Variants in GAS2 observed in about 807,000 individuals in gnomAD.
The protein encoded by GAS2 is growth arrest-specific protein 2.
A neutral mutation model predicts 37.5 loss-of-function variants in GAS2; 20 were observed. The observed-to-expected ratio is 0.53, with a 90% CI of 0.37 to 0.77. GAS2 has a LOEUF of 0.77. GAS2 is among the 30% of genes least tolerant of loss of function. The pLI, the probability that GAS2 is intolerant of heterozygous loss-of-function variation, is 0.00. For missense variants in GAS2, 336 were observed against 373.4 expected (o/e 0.90, Z 0.82); for synonymous variants, 144 against 132.2 (o/e 1.09, Z -0.61).
At chr11:22,655,979 C>T (rs1169837505) in intron 1 of GAS2, among the ~76,000 whole-genome samples, 1 of 152,056 alleles carries the variant, frequency 6.6e-6, no homozygotes, top group East Asian at 1.9e-4. Flanking sequence ...TACGTTCTTC[C>T]ACTGTTTCAT....
intron 7 of GAS2, among the ~76,000 whole-genome samples, chr11:22,810,114 G>A (rs564706436): frequency 4.6e-5 from 7 of 152,128 alleles, no homozygotes; most frequent in Non-Finnish European, 1.0e-4. Flanking sequence ...AGCTTTATTC[G>A]GGTGCTGCAG....
At chr11:22,775,403 A>G (rs997853567) in intron 7 of GAS2, among the ~76,000 whole-genome samples, 2 of 152,170 alleles carry the variant, frequency 1.3e-5, no homozygotes, top group African/African-American at 2.4e-5. Flanking sequence ...GTTATTTAAA[A>G]TTGAAACACC....
chr11:22,748,007 G>A (rs1391975), intron 5 of GAS2, among the ~76,000 whole-genome samples: 406 of 151,806 alleles, frequency 2.7e-3, no homozygotes, highest in African/African-American at 9.4e-3. Context: ...ATCTAATGAT[G>A]TTTTCATATA....
At chr11:22,656,533 T>G (rs1246709689) in intron 1 of GAS2, among the ~76,000 whole-genome samples, 1 of 152,194 alleles carries the variant, frequency 6.6e-6, no homozygotes, top group Non-Finnish European at 1.5e-5. Context: ...CCAAGTAAAC[T>G]ATAAAGAATT....
intron 3 of GAS2, among the ~76,000 whole-genome samples, chr11:22,708,993 G>A (rs1477551574): frequency 6.6e-6 from 1 of 152,108 alleles, no homozygotes; most frequent in Non-Finnish European, 1.5e-5. Context: ...ATGCTAGCAT[G>A]GCTACAGGAG....
At chr11:22,694,563 C>T (rs1443601639) in intron 3 of GAS2, among the ~76,000 whole-genome samples, 1 of 152,084 alleles carries the variant, frequency 6.6e-6, no homozygotes, top group Non-Finnish European at 1.5e-5. Flanking sequence ...AATTACAGGT[C>T]GAATAGAATG....
intron 1 of GAS2, among the ~76,000 whole-genome samples, chr11:22,653,707 A>C (rs1178263972): frequency 1.3e-5 from 2 of 149,042 alleles, no homozygotes; most frequent in Admixed American, 6.7e-5. Flanking sequence ...AATAGTGAAC[A>C]GTCACAGTTA....
At chr11:22,807,653 G>A (rs572970068) in intron 7 of GAS2, among the ~76,000 whole-genome samples, 14 of 152,246 alleles carry the variant, frequency 9.2e-5, no homozygotes, top group Admixed American at 4.6e-4. Flanking sequence ...TCAATCACTA[G>A]GCAATGAGTG....
chr11:22,636,065 G>A (rs895995328), intron 1 of GAS2, among the ~76,000 whole-genome samples: 6 of 152,116 alleles, frequency 3.9e-5, no homozygotes, highest in Non-Finnish European at 8.8e-5. Context: ...TAGGGTGTAG[G>A]TTGCTGCCCA....
chr11:22,791,538 G>T (rs1256380899), intron 7 of GAS2, among the ~76,000 whole-genome samples: 4 of 152,178 alleles, frequency 2.6e-5, no homozygotes, highest in Non-Finnish European at 5.9e-5. Context: ...TTAAAATCTG[G>T]AGGCCACTAA....
chr11:22,693,975 A>T (rs1020919586), intron 3 of GAS2, among the ~76,000 whole-genome samples: 1 of 152,166 alleles, frequency 6.6e-6, no homozygotes, highest in African/African-American at 2.4e-5. Flanking sequence ...GAACCCATGG[A>T]CACATACAGG....
At chr11:22,698,623 A>G (rs576100626) in intron 3 of GAS2, among the ~76,000 whole-genome samples, 1 of 149,708 alleles carries the variant, frequency 6.7e-6, no homozygotes, top group Admixed American at 6.7e-5. Context: ...ATCCTCAATA[A>G]AATACTGGCA....
Position 22,677,810 on chromosome 11 carries a change from T to C in GAS2, c.145+2796T>C, listed in dbSNP as rs565897066. 9.2e-4 allele frequency among the ~76,000 whole-genome samples: 140 copies of C among 152,262 alleles called. 1 individual carries two copies. Among genetic ancestry groups the C allele is most frequent in the African/African-American group, 3.3e-3 (138 of 41,554 alleles). Reference sequence around the variant, plus strand: ...TCAGCTATCTTTTCTGGGCTCAGTGTCCTCAACCATAAAATGAAGGGGTTG... The same window carrying C: ...TCAGCTATCTTTTCTGGGCTCAGTGCCCTCAACCATAAAATGAAGGGGTTG... On this transcript the variant is annotated intron_variant, in intron 2 of 7. Transcript: ENST00000454584.
At chr11:22,721,323 A>G (rs1851937223) in intron 3 of GAS2, among the ~76,000 whole-genome samples, 1 of 152,052 alleles carries the variant, frequency 6.6e-6, no homozygotes, top group Non-Finnish European at 1.5e-5. Context: ...CCAGATGCAG[A>G]TTATTACAAC....
chr11:22,646,830 A>G (rs1294608616), intron 1 of GAS2, among the ~76,000 whole-genome samples: 2 of 145,230 alleles, frequency 1.4e-5, no homozygotes, highest in East Asian at 2.1e-4. Context: ...CCCTCCCTCC[A>G]TCTTCCTTCC....
At chr11:22,725,349 G>C (rs531139790) in intron 3 of GAS2, among the ~76,000 whole-genome samples, 1 of 152,198 alleles carries the variant, frequency 6.6e-6, no homozygotes, top group East Asian at 1.9e-4. Context: ...AGATAGCAGA[G>C]TTCAGACCAG....
intron 3 of GAS2, among the ~76,000 whole-genome samples, chr11:22,698,165 A>G (rs1314255009): frequency 6.6e-6 from 1 of 152,204 alleles, no homozygotes; most frequent in Non-Finnish European, 1.5e-5. Flanking sequence ...AAATAGATGC[A>G]ATAAAAAATG....
intron 5 of GAS2, among the ~76,000 whole-genome samples, chr11:22,745,118 C>CAAAAAAAAAAA (rs142582542): frequency 5.4e-5 from 7 of 129,006 alleles, no homozygotes; most frequent in South Asian, 2.6e-4. Flanking sequence ...CATTTGGAAC[C>CAAAAAAAAAAA]AAAAAAAAAA....
At chr11:22,724,198 C>T (rs899881304) in intron 3 of GAS2, among the ~76,000 whole-genome samples, 2 of 151,874 alleles carry the variant, frequency 1.3e-5, no homozygotes, top group African/African-American at 2.4e-5. Context: ...TAAAATGATC[C>T]ATCATAGGAA....
Sources: allele counts gnomAD v4.1 joint callset (sites outside exome capture counted in the v4.1 genomes callset), GRCh38; gene constraint gnomAD v4.1.1; transcripts MANE v1.5; gene names NCBI Gene and HGNC (gene_info 2026-07-23, HGNC 2026-07-21).